The following ANO4 variants were observed in gnomAD, a reference collection of about 807,000 sequenced individuals.
ANO4 encodes the protein anoctamin 4, also known as anoctamin-4.
In ANO4, 69 loss-of-function variants were observed where a neutral mutation model predicts 141.9. That is an observed-to-expected ratio of 0.49 (90% CI 0.40 to 0.59). The LOEUF (loss-of-function observed/expected upper bound fraction) is 0.59. Among genes scored for constraint, ANO4 ranks in the 20% least tolerant of loss-of-function variants. ANO4 has a pLI of 0.00. For synonymous variants in ANO4, 350 were observed against 394.3 expected (o/e 0.89, Z 1.33); for missense variants, 894 against 1,162.2 (o/e 0.77, Z 3.36).
At chr12:100,886,165 C>G (rs1010362117) in intron 1 of ANO4, among the ~76,000 whole-genome samples, 2 of 152,100 alleles carry the variant, frequency 1.3e-5, no homozygotes, top group African/African-American at 4.8e-5. Context: ...GATTTGTTGC[C>G]CCAGTTGAAG....
At chr12:100,756,550 A>G (rs979965939) in intron 3 of ANO4, among the ~76,000 whole-genome samples, 1 of 152,000 alleles carries the variant, frequency 6.6e-6, no homozygotes, top group African/African-American at 2.4e-5. Context: ...GGGTTTCTCT[A>G]TGTTGGCCAG....
intron 1 of ANO4, among the ~76,000 whole-genome samples, chr12:100,817,290 A>G (rs1470496149): frequency 6.6e-6 from 1 of 151,866 alleles, no homozygotes; most frequent in African/African-American, 2.4e-5. Flanking sequence ...TTCTAGCTTT[A>G]TCTATGGTAT....
chr12:100,989,975 A>AGATGGATGGATG (rs58082088), intron 8 of ANO4, among the ~76,000 whole-genome samples: 2,265 of 131,800 alleles, frequency 0.017, 28 homozygotes, highest in Middle Eastern at 0.034. Flanking sequence ...ATAGGTCACC[A>AGATGGATGGATG]GATGGATGGA....
chr12:100,975,662 A>G (rs2044146996), intron 7 of ANO4, among the ~76,000 whole-genome samples: 1 of 151,742 alleles, frequency 6.6e-6, no homozygotes, highest in South Asian at 2.1e-4. Flanking sequence ...GCTAGTCTCG[A>G]ACTCCTGACC....
At position 100,774,431 on chromosome 12, in the gene ANO4, A is replaced by G. The variant is rs980191454; in HGVS notation, c.358+34326A>G. 2.0e-5 allele frequency among the ~76,000 whole-genome samples: 3 copies of G among 152,226 alleles called. No homozygotes were observed. The East Asian group carries it at 5.8e-4, about 29-fold the overall frequency. ...TTTTTTAGGTCATGGGGTGTAACTA[A>G]TTGAATAGAAAAAGAGATCAACATC... On this transcript the variant is annotated intron_variant, in intron 3 of 29. Coordinates refer to the ANO4 transcript ENST00000644049.
At chr12:100,851,600 G>T (rs917205662) in intron 1 of ANO4, among the ~76,000 whole-genome samples, 1 of 152,094 alleles carries the variant, frequency 6.6e-6, no homozygotes, top group Non-Finnish European at 1.5e-5. Flanking sequence ...TATATTCAAA[G>T]TGATGACAAA....
chr12:101,070,613 T>G (rs2048772296), intron 14 of ANO4, among the ~76,000 whole-genome samples: 1 of 152,124 alleles, frequency 6.6e-6, no homozygotes, highest in African/African-American at 2.4e-5. Context: ...GGGCAGAGAT[T>G]TCTTGATTAA....
chr12:100,814,572 T>C (rs939278781), intron 1 of ANO4, among the ~76,000 whole-genome samples: 2 of 152,212 alleles, frequency 1.3e-5, no homozygotes, highest in African/African-American at 4.8e-5. Context: ...TATGTTTTTA[T>C]TGATACAAAT....
rs2038880863 is a variant in ANO4 at position 100,868,653 on chromosome 12, C to G, written c.-140-32993C>G. On this transcript the variant is annotated intron_variant, in intron 1 of 27. Coordinates refer to ENST00000392977, the MANE Select transcript of ANO4 (RefSeq NM_001286615.2). ...GGCTGCAGAAGAAAGCCACCACACC[C>G]AGGGCAGCCACCACAAGCTTTCCAA... Among the ~76,000 whole-genome samples, 3 of 152,120 alleles carry G rather than the reference C, an allele frequency of 2.0e-5. No homozygotes were observed. The South Asian group carries it at 6.2e-4, about 32-fold the overall frequency.
intron 3 of ANO4, among the ~76,000 whole-genome samples, chr12:100,770,444 C>T (rs989804779): frequency 6.6e-6 from 1 of 152,206 alleles, no homozygotes; most frequent in Admixed American, 6.5e-5. Flanking sequence ...GCTATATTGG[C>T]TATCTTATCC....
chr12:100,802,209 A>AT (rs1038449165), intron 1 of ANO4, among the ~76,000 whole-genome samples: 1 of 152,066 alleles, frequency 6.6e-6, no homozygotes, highest in Admixed American at 6.5e-5. Flanking sequence ...AAATTTAGTT[A>AT]TTTTTTTATT....
intron 2 of ANO4, among the ~76,000 whole-genome samples, chr12:100,917,922 G>T (rs536882663): frequency 6.6e-6 from 1 of 152,208 alleles, no homozygotes; most frequent in African/African-American, 2.4e-5. Flanking sequence ...TCACATCTAT[G>T]GTTTAATATC....
intron 1 of ANO4, among the ~76,000 whole-genome samples, chr12:100,852,007 TA>T (rs1049175683): frequency 1.3e-5 from 2 of 152,166 alleles, no homozygotes; most frequent in African/African-American, 4.8e-5. Flanking sequence ...TAGCCTCTCA[TA>T]AACCATTTTG....
intron 2 of ANO4, among the ~76,000 whole-genome samples, chr12:100,736,798 A>T: frequency 6.6e-6 from 1 of 151,402 alleles, no homozygotes; most frequent in East Asian, 1.9e-4. Context: ...AGAGGCAGAG[A>T]TATGAGTGAT....
intron 1 of ANO4, among the ~76,000 whole-genome samples, chr12:100,802,649 A>G (rs2034764392): frequency 6.6e-6 from 1 of 152,234 alleles, no homozygotes; most frequent in Non-Finnish European, 1.5e-5. Context: ...CTCACTCCAC[A>G]AGTACTTAAT....
chr12:100,987,464 C>G, intron 7 of ANO4, 75 bp from the exon 8 acceptor site: 1 of 1,556,710 alleles, frequency 6.4e-7, no homozygotes, highest in South Asian at 1.2e-5. Flanking sequence ...TGTGGCTCTG[C>G]GGAGACCTTC....
Position 101,086,750 on chromosome 12 carries a change from A to G in ANO4, c.1627A>G (p.Arg543Gly), listed in dbSNP as rs1425640120. 6.2e-7 allele frequency: 1 copy of G among 1,613,762 alleles called. No homozygotes were observed. The highest frequency in any genetic ancestry group is 8.5e-7 in the Non-Finnish European group (1 of 1,179,832). The change falls in exon 17 of 28, where the codon AGG (arginine) becomes GGG (glycine). Residue 543 changes from arginine to glycine, a missense_variant. By Grantham distance (125) the Arg-to-Gly change is moderately radical. Around this residue, in one of 2 missense-constraint regions of ANO4, gnomAD observed 637 missense variants for 909.2 expected, o/e 0.70. Transcript: ENST00000392977. ...TFAAFKWALIRNNSQVATTGT... is the reference protein window; with the variant it reads ...TFAAFKWALIGNNSQVATTGT... ...CGCTGCCTTTAAGTGGGCGTTAATC[A>G]GGAATAACTCTCAGGTTGCAACCAC... is the stretch of plus-strand genomic sequence containing the variant.
At chr12:100,946,441 A>G in intron 5 of ANO4, among the ~76,000 whole-genome samples, 1 of 152,230 alleles carries the variant, frequency 6.6e-6, no homozygotes, top group East Asian at 1.9e-4. Flanking sequence ...AGCTTGGTCA[A>G]GCACATAGAA....
intron 3 of ANO4, among the ~76,000 whole-genome samples, chr12:100,926,172 G>A (rs2136119347): frequency 6.6e-6 from 1 of 152,100 alleles, no homozygotes; most frequent in African/African-American, 2.4e-5. Context: ...GAACTACTTT[G>A]CATTTTTAAA....
Sources: gnomAD v4.1 joint callset for allele counts (sites outside exome capture counted in the v4.1 genomes callset) on GRCh38, gnomAD v4.1.1 for gene constraint, gnomAD v4.1.1 regional missense constraint, MANE v1.5 for transcripts, NCBI Gene and HGNC (gene_info 2026-07-23, HGNC 2026-07-21) for gene names.